The following AFF4 variants were observed in gnomAD, a reference collection of about 807,000 sequenced individuals.
AFF4 encodes the protein ALF transcription elongation factor 4, also known as AF4/FMR2 family member 4.
In AFF4, 13 loss-of-function variants were observed where a neutral mutation model predicts 124.8. The observed-to-expected ratio is 0.10, with a 90% CI of 0.07 to 0.17. The LOEUF (loss-of-function observed/expected upper bound fraction) is 0.17. Ranked by LOEUF, AFF4 falls within the 10% of genes least tolerant of loss-of-function variation. AFF4 has a pLI of 1.00. For missense variants in AFF4, 1,092 were observed against 1,403.8 expected (o/e 0.78, Z 3.55); for synonymous variants, 477 against 496.1 (o/e 0.96, Z 0.51).
chr5:132,939,740 A>G (rs1761523316), intron 1 of AFF4, among the ~76,000 whole-genome samples: 1 of 152,178 alleles, frequency 6.6e-6, no homozygotes, highest in African/African-American at 2.4e-5. Flanking sequence ...CCTCCTGAGT[A>G]GCTGGGATTA....
chr5:132,880,823 C>T lies in AFF4; in HGVS notation c.*236G>A. On this transcript the variant is annotated 3_prime_UTR_variant, in exon 21 of 21. Transcript: ENST00000265343. Reference sequence around the variant, plus strand: ...CAATCTTATCATAGCTCACGGAAACCATCTTATCAATGTGCTGCAGATTTA... The same window carrying T: ...CAATCTTATCATAGCTCACGGAAACTATCTTATCAATGTGCTGCAGATTTA... 1 of 369,258 alleles carries T rather than the reference C, an allele frequency of 2.7e-6. No homozygotes were observed. The highest frequency in any genetic ancestry group is 2.1e-5 in the African/African-American group (1 of 48,140). The allele number at this position is 369,258 out of a possible 1,614,324, so 22.9% of individuals were successfully genotyped here.
intron 1 of AFF4, among the ~76,000 whole-genome samples, chr5:132,944,637 ACTCT>A (rs1156405552): frequency 1.3e-5 from 2 of 151,496 alleles, no homozygotes; most frequent in Admixed American, 6.6e-5. Flanking sequence ...ACAGAGTGAG[ACTCT>A]CTCTCAAAAA....
At chr5:132,908,713 T>C (rs920122808) in intron 5 of AFF4, among the ~76,000 whole-genome samples, 1 of 149,238 alleles carries the variant, frequency 6.7e-6, no homozygotes, top group Non-Finnish European at 1.5e-5. Context: ...TATGTATATG[T>C]ATATACACAC....
intron 1 of AFF4, among the ~76,000 whole-genome samples, chr5:132,951,139 C>T (rs1761834277): frequency 1.3e-5 from 2 of 151,892 alleles, no homozygotes; most frequent in African/African-American, 2.4e-5. Flanking sequence ...GCAGGAGAAT[C>T]GCTTGAACCA....
intron 5 of AFF4, among the ~76,000 whole-genome samples, chr5:132,915,140 G>C (rs1257150205): frequency 2.0e-5 from 3 of 152,070 alleles, no homozygotes; most frequent in African/African-American, 4.8e-5. Flanking sequence ...AGATGGTCTA[G>C]ACCATCCTGG....
At chr5:132,888,329 A>C (rs767330880) in intron 14 of AFF4, among the ~76,000 whole-genome samples, 169 bp from the exon 15 acceptor site, 1 of 152,010 alleles carries the variant, frequency 6.6e-6, no homozygotes, top group African/African-American at 2.4e-5. Flanking sequence ...GGTTAAAAGC[A>C]TAAGTTGTTT....
chr5:132,891,991 A>G (rs1760270226), intron 13 of AFF4, 173 bp downstream of exon 13: 2 of 1,046,788 alleles, frequency 1.9e-6, no homozygotes, highest in Admixed American at 5.4e-5. Context: ...TACCACCTTC[A>G]CAGTCTTATA....
At chr5:132,888,614 G>T (rs1234880423) in intron 14 of AFF4, among the ~76,000 whole-genome samples, 3 of 152,098 alleles carry the variant, frequency 2.0e-5, no homozygotes, top group Admixed American at 2.0e-4. Context: ...TAAAGGAGCC[G>T]TACTTGGACT....
chr5:132,958,586 A>G (rs997869232), intron 1 of AFF4, among the ~76,000 whole-genome samples: 17 of 152,136 alleles, frequency 1.1e-4, no homozygotes, highest in Admixed American at 4.6e-4. Context: ...TGAAACGTAA[A>G]TCAGGCCTTT....
rs1759877323 is a variant in AFF4, at chr5:132,877,852, T to A, written c.*3207A>T. ...TGAAAAGAAACGAACAACAATTTTT[T>A]AAAAACTAGTGAATCTAATAAAGCC... On this transcript the variant is annotated 3_prime_UTR_variant, in exon 21 of 21. Transcript: ENST00000265343. 4.5e-6 allele frequency: 1 copy of A among 219,822 alleles called. No homozygotes were observed. Among genetic ancestry groups the A allele is most frequent in the South Asian group, 1.8e-4 (1 of 5,426 alleles). The allele number at this position is 219,822 out of a possible 1,614,324, so 13.6% of individuals were successfully genotyped here. A position where few individuals can be genotyped will look rare whatever the true frequency, so the allele number is the denominator to read the frequency against.
chr5:132,892,801 C>A (rs546658943), intron 12 of AFF4, among the ~76,000 whole-genome samples: 2 of 152,104 alleles, frequency 1.3e-5, no homozygotes, highest in Non-Finnish European at 2.9e-5. Context: ...CCATACTCAC[C>A]CCTACCCCAA....
At chr5:132,899,377 CATA>C (rs1760490688) in intron 8 of AFF4, among the ~76,000 whole-genome samples, 1 of 151,422 alleles carries the variant, frequency 6.6e-6, no homozygotes. Flanking sequence ...TGTTTTGATC[CATA>C]ATAAATGTTG....
intron 5 of AFF4, among the ~76,000 whole-genome samples, chr5:132,906,806 A>T (rs1389069201): frequency 1.3e-5 from 2 of 152,198 alleles, no homozygotes; most frequent in African/African-American, 4.8e-5. Context: ...TTTGTTTAAA[A>T]TGAAGATTCC....
chr5:132,928,322 C>G (rs73788231), intron 4 of AFF4, among the ~76,000 whole-genome samples: 3,200 of 152,112 alleles, frequency 0.021, 85 homozygotes, highest in African/African-American at 0.058. Context: ...ACAAAAAAAT[C>G]TACAAAAACC....
chr5:132,910,379 CT>C (rs1760767010), intron 5 of AFF4, among the ~76,000 whole-genome samples: 1 of 152,122 alleles, frequency 6.6e-6, no homozygotes, highest in Admixed American at 6.5e-5. Flanking sequence ...TGATGTGTTC[CT>C]TATCAACCCA....
intron 5 of AFF4, among the ~76,000 whole-genome samples, chr5:132,917,192 T>A (rs551930318): frequency 3.4e-4 from 52 of 152,348 alleles, no homozygotes; most frequent in Non-Finnish European, 6.3e-4. Context: ...GTGCTGGGAT[T>A]ACAGGTGTGA....
At chr5:132,957,047 A>C (rs1233946519) in intron 1 of AFF4, among the ~76,000 whole-genome samples, 1 of 143,574 alleles carries the variant, frequency 7.0e-6, no homozygotes, top group Non-Finnish European at 1.5e-5. Flanking sequence ...AAAAAAAAAA[A>C]AACAGAAAAA....
In AFF4 at chr5:132,899,494, TTAAG is replaced by T. The variant is rs778637252; in HGVS notation, c.1188+89_1188+92del. The T allele has an allele frequency of 2.1e-5, 24 of 1,142,196 alleles. 1 individual carries two copies. The East Asian group carries it at 2.8e-4, about 13-fold the overall frequency. 70.8% of individuals were successfully genotyped at this position (1,142,196 alleles called of 1,614,324 possible). A position where few individuals can be genotyped will look rare whatever the true frequency, so the allele number is the denominator to read the frequency against. ...TCAGAAAGCTTATAAGAAACTTATTTTAAGTAATAAATGCATTATTCAATTATCA... is the reference window on the plus strand; with the variant it reads ...TCAGAAAGCTTATAAGAAACTTATTTTAATAAATGCATTATTCAATTATCA... On this transcript the variant is annotated intron_variant, in intron 8 of 20. Coordinates refer to ENST00000265343, the MANE Select transcript of AFF4 (RefSeq NM_014423.4).
intron 2 of AFF4, among the ~76,000 whole-genome samples, chr5:132,936,138 G>GA (rs1202128315): frequency 6.6e-6 from 1 of 150,620 alleles, no homozygotes; most frequent in East Asian, 2.0e-4. Context: ...ATGGTGGCAG[G>GA]CGCCTGTAGT....
Sources: gnomAD v4.1 joint callset for allele counts (sites outside exome capture counted in the v4.1 genomes callset) on GRCh38, gnomAD v4.1.1 for gene constraint, MANE v1.5 for transcripts, NCBI Gene and HGNC (gene_info 2026-07-23, HGNC 2026-07-21) for gene names.